Variants in ERCC3 observed in about 807,000 individuals in gnomAD.
ERCC3 encodes general transcription and DNA repair factor IIH helicase/translocase subunit XPB.
In ERCC3, 66 loss-of-function variants were observed where a neutral mutation model predicts 94.2. The ratio of observed to expected loss-of-function variants is 0.70; its 90% confidence interval spans 0.57 to 0.86. The LOEUF (loss-of-function observed/expected upper bound fraction) is 0.86. Among genes scored for constraint, ERCC3 ranks in the 40% least tolerant of loss-of-function variants. ERCC3 has a pLI of 0.00. For missense variants in ERCC3, 829 were observed against 987.1 expected, an observed-to-expected ratio of 0.84 and a Z score of 2.15; for synonymous variants, 349 against 369.1, an observed-to-expected ratio of 0.95 and a Z score of 0.63.
At chr2:127,278,177 G>A (rs1334466266) in intron 10 of ERCC3, among the ~76,000 whole-genome samples, 1 of 151,516 alleles carries the variant, frequency 6.6e-6, no homozygotes, top group Non-Finnish European at 1.5e-5. Context: ...GGTCAAGGCT[G>A]CCGTGAGCCG....
In ERCC3 at chr2:127,274,011, A is replaced by T. The variant is rs577464202; in HGVS notation, c.1731-1050T>A. ...AACACCAGGCATTGAGCTGAGTATT[A>T]CATTAAAAAAAAAAAAATCCAGCCA... On this transcript the variant is annotated intron_variant, in intron 10 of 14. Coordinates refer to ENST00000285398, the MANE Select transcript of ERCC3 (RefSeq NM_000122.2). This position sits in a 1 kb window ranked among gnomAD's most constrained non-coding sequence, Gnocchi z 4.0. Among the ~76,000 whole-genome samples the T allele has an allele frequency of 2.0e-5, 3 of 150,840 alleles. No individual in the cohort carries two copies. Among genetic ancestry groups the T allele is most frequent in the Admixed American group, 2.0e-4 (3 of 15,144 alleles).
chr2:127,261,863 C>T (rs1007916465), intron 12 of ERCC3: 2 of 189,888 alleles, frequency 1.1e-5, no homozygotes, highest in Admixed American at 5.4e-5. Flanking sequence ...AACTAGAACC[C>T]GCATGCATTG....
At position 127,286,719 on chromosome 2, in the gene ERCC3, T is replaced by C. The variant is rs1685078899; in HGVS notation, c.1326A>G (p.Glu442=). 1.2e-6 allele frequency: 2 copies of C among 1,613,922 alleles called. No individual in the cohort carries two copies. Among genetic ancestry groups the C allele is most frequent in the African/African-American group, 2.7e-5 (2 of 74,892 alleles). Residue 442 remains glutamate, a synonymous_variant, in exon 8 of 15, where the codon GAA becomes GAG. Coordinates refer to ENST00000285398, the MANE Select transcript of ERCC3 (RefSeq NM_000122.2). ...TQEWGLMILD[E]VHTIPAKMFR... is the part of the protein sequence containing the mutation. The stretch of plus-strand genomic sequence containing the variant: ...CCTGCTTACCTGGTATGGTGTGCAC[T>C]TCATCCAGGATCATGAGGCCCCACT...
chr2:127,266,722 T>A (rs946487010), intron 12 of ERCC3, among the ~76,000 whole-genome samples: 5 of 145,546 alleles, frequency 3.4e-5, no homozygotes, highest in Admixed American at 2.0e-4. Flanking sequence ...TTTTTTTTTT[T>A]TTTTTTTTTT....
chr2:127,257,833 TA>T lies in ERCC3; in HGVS notation c.2218-107del. 1.6e-6 allele frequency: 2 copies of T among 1,267,740 alleles called. No homozygotes were observed. The highest frequency in any genetic ancestry group is 1.9e-4 in the Middle Eastern group (1 of 5,340). The allele number at this position is 1,267,740 out of a possible 1,614,324, so 78.5% of individuals were successfully genotyped here. On this transcript the variant is annotated intron_variant, in intron 14 of 14. Transcript: ENST00000285398. This position sits in a 1 kb window ranked among gnomAD's most constrained non-coding sequence, Gnocchi z 5.4. Reference sequence around the variant, plus strand: ...TTTTATAAGACTTACATAAATTTAATACATCATTTTTAATAATGTTTACAGA... The same window carrying T: ...TTTTATAAGACTTACATAAATTTAATCATCATTTTTAATAATGTTTACAGA...
chr2:127,263,224 G>A (rs930502280), intron 12 of ERCC3, among the ~76,000 whole-genome samples: 1 of 152,174 alleles, frequency 6.6e-6, no homozygotes, highest in Non-Finnish European at 1.5e-5. Flanking sequence ...ATAGAATAGT[G>A]TTGAATCTGT....
In ERCC3 at chr2:127,280,198, G is replaced by A. The variant is rs768143207; in HGVS notation, c.1527+249C>T. Among the ~76,000 whole-genome samples the A allele has an allele frequency of 2.6e-5, 4 of 152,192 alleles. No homozygotes were observed. The highest frequency in any genetic ancestry group is 1.3e-4 in the Admixed American group (2 of 15,282). On this transcript the variant is annotated intron_variant, in intron 9 of 14. Coordinates refer to ENST00000285398, the MANE Select transcript of ERCC3 (RefSeq NM_000122.2). This position sits in a 1 kb window ranked among gnomAD's most constrained non-coding sequence, Gnocchi z 6.3. ...CCTCACCCACAGAAATCCATGACTG[G>A]TAAACCCCATGGCTAGGAAAAAGAA...
At chr2:127,265,513 G>GGTTC (rs1684326622) in intron 12 of ERCC3, among the ~76,000 whole-genome samples, 1 of 152,050 alleles carries the variant, frequency 6.6e-6, no homozygotes, top group African/African-American at 2.4e-5. Context: ...CTGCCTCCTG[G>GGTTC]GTTCACGCAA....
Position 127,289,502 on chromosome 2 carries a change from C to G in ERCC3, c.658-1G>C, listed in dbSNP as rs535171149. 4 of 1,612,446 alleles carry G rather than the reference C, an allele frequency of 2.5e-6. No individual in the cohort carries two copies. The highest frequency in any genetic ancestry group is 1.1e-5 in the South Asian group (1 of 91,000). On this transcript the variant is annotated splice_acceptor_variant, in intron 5 of 14. Coordinates refer to ENST00000285398, the MANE Select transcript of ERCC3 (RefSeq NM_000122.2). LOFTEE classifies it high-confidence loss of function. ...CACTGCTTTCAGCAGTCTTAGAAATCTGTGAGAGAGGTAGGTGCTGAACGT... is the reference window on the plus strand; with the variant it reads ...CACTGCTTTCAGCAGTCTTAGAAATGTGTGAGAGAGGTAGGTGCTGAACGT...
In ERCC3 at chr2:127,286,839, GCCGA is replaced by G; in HGVS notation, c.1202_1205del (p.Ile401ThrfsTer37). 6.2e-7 allele frequency: 1 copy of G among 1,614,208 alleles called. No homozygotes were observed. The highest frequency in any genetic ancestry group is 2.2e-5 in the East Asian group (1 of 44,886). On this transcript the variant is annotated frameshift_variant, in exon 8 of 15. Coordinates refer to ENST00000285398, the MANE Select transcript of ERCC3 (RefSeq NM_000122.2). LOFTEE classifies it high-confidence loss of function. ...AGTAGGTGCTAATGGCAACGGAGCA[GCCGA>G]TGGGCTTGTCCTTGGCATCGGAGGT...
At chr2:127,270,756 C>T (rs1014780492) in intron 12 of ERCC3, among the ~76,000 whole-genome samples, 28 of 152,158 alleles carry the variant, frequency 1.8e-4, no homozygotes, top group Admixed American at 1.8e-3. Flanking sequence ...CAGTCTGGGC[C>T]CTTTTACCGC....
intron 12 of ERCC3, chr2:127,261,955 C>T (rs1286170487): frequency 6.5e-6 from 1 of 153,908 alleles, no homozygotes; most frequent in Non-Finnish European, 1.4e-5. Context: ...GTTATAACCA[C>T]ATGACCTGGC....
rs1684887903 is a variant in ERCC3, at chr2:127,280,886, A to G, written c.1343-255T>C. The G allele has an allele frequency of 1.9e-6, 1 of 532,914 alleles. No individual in the cohort carries two copies. Among genetic ancestry groups the G allele is most frequent in the South Asian group, 3.2e-5 (1 of 31,516 alleles). 33.0% of individuals were successfully genotyped at this position (532,914 alleles called of 1,614,324 possible). A position where few individuals can be genotyped will look rare whatever the true frequency, so the allele number is the denominator to read the frequency against. ...CAACTTAACACTGGCTTATGACACC[A>G]CCTGAACTAACCCTTGGGTTTCAGG... is the stretch of plus-strand genomic sequence containing the variant. On this transcript the variant is annotated intron_variant, in intron 8 of 14. Transcript: ENST00000285398. This position sits in a 1 kb window ranked among gnomAD's most constrained non-coding sequence, Gnocchi z 6.3.
intron 8 of ERCC3, among the ~76,000 whole-genome samples, chr2:127,281,299 CA>C (rs1386066419): frequency 6.6e-6 from 1 of 152,204 alleles, no homozygotes; most frequent in Non-Finnish European, 1.5e-5. Context: ...GATGAAACTC[CA>C]GGAACTGTTC....
At chr2:127,265,129 G>A (rs1363214443) in intron 12 of ERCC3, among the ~76,000 whole-genome samples, 3 of 152,046 alleles carry the variant, frequency 2.0e-5, no homozygotes, top group Non-Finnish European at 4.4e-5. Flanking sequence ...TTAGAGGTGT[G>A]AGCCACCATG....
rs1684948014 is a variant in ERCC3, at chr2:127,282,530, A to T, written c.1343-1899T>A. ...AAAGGCATAACAGAGCTCCTTTTGA[A>T]AAATCTGTAAAACAGCACAGCAATC... On this transcript the variant is annotated intron_variant, in intron 8 of 14. Coordinates refer to ENST00000285398, the MANE Select transcript of ERCC3 (RefSeq NM_000122.2). 3.3e-5 allele frequency among the ~76,000 whole-genome samples: 5 copies of T among 152,352 alleles called. No individual in the cohort carries two copies. In the South Asian group the frequency reaches 1.0e-3, roughly 32 times the overall value.
At chr2:127,276,258 G>A (rs1338134402) in intron 10 of ERCC3, among the ~76,000 whole-genome samples, 1 of 152,082 alleles carries the variant, frequency 6.6e-6, no homozygotes, top group East Asian at 1.9e-4. Flanking sequence ...TGAAGAAATA[G>A]CCAGGCCCTG....
In ERCC3 at chr2:127,289,818, G is replaced by C. The variant is rs114994654; in HGVS notation, c.528C>G (p.Phe176Leu). ...TTACATCAGGGTGGCAACTTTCAAC[G>C]AAGTATCTGCAAGCAGGGGAGGAAG... is the stretch of plus-strand genomic sequence containing the variant. ...VKLVLKHNRY[F>L]VESCHPDVIQ... Residue 176 changes from phenylalanine to leucine, a missense_variant, in exon 5 of 15, where the codon TTC becomes TTG. Phe to Leu is a conservative substitution (Grantham distance 22, BLOSUM62 0). Coordinates refer to ENST00000285398, the MANE Select transcript of ERCC3 (RefSeq NM_000122.2). The C allele has an allele frequency of 1.2e-6, 2 of 1,614,006 alleles. No individual in the cohort carries two copies. Among genetic ancestry groups the C allele is most frequent in the Admixed American group, 1.7e-5 (1 of 60,004 alleles).
chr2:127,262,680 G>A (rs1684231326), intron 12 of ERCC3: 1 of 152,196 alleles, frequency 6.6e-6, no homozygotes, highest in African/African-American at 2.4e-5. Flanking sequence ...ATGGATGAGG[G>A]TTTCTTTTGG....
Sources: allele counts gnomAD v4.1 joint callset (sites outside exome capture counted in the v4.1 genomes callset), GRCh38; gene constraint gnomAD v4.1.1; non-coding constraint Gnocchi (gnomAD v3.1); transcripts MANE v1.5; gene names NCBI Gene and HGNC (gene_info 2026-07-23, HGNC 2026-07-21).